Variants in PCDHGA7 observed in about 807,000 individuals in gnomAD.
PCDHGA7 encodes the protein protocadherin gamma subfamily A, 7, also known as protocadherin gamma-A7.
A neutral mutation model predicts 58.3 loss-of-function variants in PCDHGA7; 44 were observed. The observed-to-expected ratio is 0.75, with a 90% CI of 0.59 to 0.97. The LOEUF is 0.97. Ranked by LOEUF, PCDHGA7 falls within the 50% of genes least tolerant of loss-of-function variation. The pLI is 0.00. For synonymous variants in PCDHGA7, 516 were observed against 504.2 expected, an observed-to-expected ratio of 1.02 and a Z score of -0.31; for missense variants, 1,266 against 1,188.7, an observed-to-expected ratio of 1.06 and a Z score of -0.96.
chr5:141,428,857 A>C (rs2097165548), intron 1 of PCDHGA7: 1 of 140,386 alleles, frequency 7.1e-6, no homozygotes, highest in Non-Finnish European at 1.5e-5. Context: ...TTTTTACGGG[A>C]GACTTTTTTT....
At chr5:141,454,313 G>A (rs986902404) in intron 1 of PCDHGA7, among the ~76,000 whole-genome samples, 1 of 152,296 alleles carries the variant, frequency 6.6e-6, no homozygotes, top group Non-Finnish European at 1.5e-5. Context: ...TCAAAGCATT[G>A]AAACCTCCAA....
Position 141,431,601 on chromosome 5 carries a change from T to G in PCDHGA7, c.2424+46278T>G. 1 of 1,614,202 alleles carries G rather than the reference T, an allele frequency of 6.2e-7. No homozygotes were observed. Among genetic ancestry groups the G allele is most frequent in the Non-Finnish European group, 8.5e-7 (1 of 1,180,032 alleles). On this transcript the variant is annotated intron_variant, in intron 1 of 3. Transcript: ENST00000518325. The surrounding 1 kb of genome is among the most constrained non-coding windows in gnomAD (Gnocchi z 4.8). Reference sequence around the variant, plus strand: ...GTCAATGCGGAAGTGAGGTATTCCTTCCGGTATGTGGACGACAAGGCGGCC... The same window carrying G: ...GTCAATGCGGAAGTGAGGTATTCCTGCCGGTATGTGGACGACAAGGCGGCC...
intron 1 of PCDHGA7, among the ~76,000 whole-genome samples, chr5:141,455,959 G>T (rs112864392): frequency 0.11 from 16,680 of 150,504 alleles, 1,459 homozygotes; most frequent in African/African-American, 0.24. Context: ...GTGCAGTGGC[G>T]CGATCTCAGC....
rs779535322 is a variant in PCDHGA7 at position 141,398,516 on chromosome 5, C to A, written c.2424+13193C>A. ...GAGATCGAGGACATTAATGACCACACGCCAAAATTCACGCAAAATTCCTTT... is the reference window on the plus strand; with the variant it reads ...GAGATCGAGGACATTAATGACCACAAGCCAAAATTCACGCAAAATTCCTTT... On this transcript the variant is annotated intron_variant, in intron 1 of 3. Coordinates refer to ENST00000518325, the MANE Select transcript of PCDHGA7 (RefSeq NM_018920.4). The A allele has an allele frequency of 1.9e-6, 3 of 1,598,584 alleles. No individual in the cohort carries two copies. The South Asian group carries it at 3.3e-5, about 18-fold the overall frequency.
rs532216579 is a variant in PCDHGA7, at chr5:141,419,369, T to G, written c.2424+34046T>G. 631 of 1,613,750 alleles carry G rather than the reference T, an allele frequency of 3.9e-4. 5 individuals carry two copies. In the East Asian group the frequency reaches 0.013, roughly 33 times the overall value. On this transcript the variant is annotated intron_variant, in intron 1 of 3. Coordinates refer to ENST00000518325, the MANE Select transcript of PCDHGA7 (RefSeq NM_018920.4). ...CCTGGAGTCACGAACGCTGTCGTCC[T>G]ACGTGTCCGTGAGCGCGCAGAGCGG...
chr5:141,489,447 G>A lies in PCDHGA7; in HGVS notation c.2425-5360G>A. The A allele has an allele frequency of 5.6e-6, 9 of 1,614,134 alleles. No homozygotes were observed. The highest frequency in any genetic ancestry group is 7.6e-6 in the Non-Finnish European group (9 of 1,180,028). ...GCCGGCGGCTGCAATTGGGCTCTGA[G>A]GAGAATGGGCGCTATTTTTCCCTGA... On this transcript the variant is annotated intron_variant, in intron 1 of 3. Coordinates refer to ENST00000518325, the MANE Select transcript of PCDHGA7 (RefSeq NM_018920.4). This position sits in a 1 kb window ranked among gnomAD's most constrained non-coding sequence, Gnocchi z 4.5.
At chr5:141,421,119 C>T (rs542039688) in intron 1 of PCDHGA7, 1 of 772,768 alleles carries the variant, frequency 1.3e-6, no homozygotes, top group Non-Finnish European at 2.0e-6. Flanking sequence ...TATTTTCCTT[C>T]GCTTTCTGAT....
chr5:141,431,049 T>C lies in PCDHGA7; in HGVS notation c.2424+45726T>C, dbSNP rs1226000576. On this transcript the variant is annotated intron_variant, in intron 1 of 3. Coordinates refer to ENST00000518325, the MANE Select transcript of PCDHGA7 (RefSeq NM_018920.4). The surrounding 1 kb of genome is among the most constrained non-coding windows in gnomAD (Gnocchi z 4.8). Reference sequence around the variant, plus strand: ...AGGATAGACCGGGAGGAGCTCTGTATGGGGGCCATCAAGTGTCAATTAAAT... The same window carrying C: ...AGGATAGACCGGGAGGAGCTCTGTACGGGGGCCATCAAGTGTCAATTAAAT... The C allele has an allele frequency of 6.2e-7, 1 of 1,614,162 alleles. No homozygotes were observed. Among genetic ancestry groups the C allele is most frequent in the Non-Finnish European group, 8.5e-7 (1 of 1,180,014 alleles).
intron 1 of PCDHGA7, among the ~76,000 whole-genome samples, chr5:141,406,812 T>G (rs528041804): frequency 6.6e-6 from 1 of 152,350 alleles, no homozygotes; most frequent in East Asian, 1.9e-4. Context: ...CTCCAACTTT[T>G]GAGTCTAGAA....
At chr5:141,405,442 C>A in intron 1 of PCDHGA7, 1 of 1,378,146 alleles carries the variant, frequency 7.3e-7, no homozygotes, top group Non-Finnish European at 1.0e-6. Context: ...GTTTTTGAGA[C>A]AGAGTCTTAC....
intron 1 of PCDHGA7, chr5:141,400,341 C>A (rs754175136): frequency 6.2e-7 from 1 of 1,614,070 alleles, no homozygotes; most frequent in African/African-American, 1.3e-5. Flanking sequence ...TTCCCCCCAA[C>A]TACAGTCAGG....
At chr5:141,481,472 A>G (rs2099538174) in intron 1 of PCDHGA7, among the ~76,000 whole-genome samples, 1 of 152,246 alleles carries the variant, frequency 6.6e-6, no homozygotes, top group Non-Finnish European at 1.5e-5. Context: ...CCATTGGATT[A>G]TACACTTTAA....
chr5:141,454,857 G>C (rs1365819097), intron 1 of PCDHGA7, among the ~76,000 whole-genome samples: 2 of 131,566 alleles, frequency 1.5e-5, no homozygotes, highest in African/African-American at 6.0e-5. Context: ...ACCCAGGCTG[G>C]AGTGCAGTGG....
Position 141,431,646 on chromosome 5 carries a change from G to A in PCDHGA7, c.2424+46323G>A. ...GCGGCCCAAGTTTTCAAACTAGATT[G>A]TAATTCAGGGACAATATCAACAATA... On this transcript the variant is annotated intron_variant, in intron 1 of 3. Coordinates refer to ENST00000518325, the MANE Select transcript of PCDHGA7 (RefSeq NM_018920.4). The surrounding 1 kb of genome is among the most constrained non-coding windows in gnomAD (Gnocchi z 4.8). 2 of 1,614,252 alleles carry A rather than the reference G, an allele frequency of 1.2e-6. No individual in the cohort carries two copies. Among genetic ancestry groups the A allele is most frequent in the Non-Finnish European group, 1.7e-6 (2 of 1,180,046 alleles).
intron 1 of PCDHGA7, among the ~76,000 whole-genome samples, chr5:141,449,440 C>T (rs2098639026): frequency 6.6e-6 from 1 of 151,742 alleles, no homozygotes; most frequent in Admixed American, 6.6e-5. Flanking sequence ...AACTCCATCT[C>T]TACTAAAAAT....
At chr5:141,484,300 C>G (rs927710366) in intron 1 of PCDHGA7, among the ~76,000 whole-genome samples, 1 of 152,190 alleles carries the variant, frequency 6.6e-6, no homozygotes, top group Non-Finnish European at 1.5e-5. Context: ...CTCCTGGCTT[C>G]CTCCACCCCG....
chr5:141,459,574 T>G (rs1163443021), intron 1 of PCDHGA7, among the ~76,000 whole-genome samples: 6 of 152,226 alleles, frequency 3.9e-5, no homozygotes, highest in African/African-American at 1.4e-4. Flanking sequence ...AAAACAGAAT[T>G]GTTTTGGGGG....
chr5:141,491,709 C>T lies in PCDHGA7; in HGVS notation c.2425-3098C>T, dbSNP rs2099725685. On this transcript the variant is annotated intron_variant, in intron 1 of 3. Coordinates refer to ENST00000518325, the MANE Select transcript of PCDHGA7 (RefSeq NM_018920.4). The surrounding 1 kb of genome is among the most constrained non-coding windows in gnomAD (Gnocchi z 6.9). The stretch of plus-strand genomic sequence containing the variant: ...TGCGGGAGCGGAGCCAGGTGAGGGG[C>T]TCGGCGCCGCCCCGGGCGACCCCTG... 6.2e-7 allele frequency: 1 copy of T among 1,610,156 alleles called. No homozygotes were observed. Among genetic ancestry groups the T allele is most frequent in the Non-Finnish European group, 8.5e-7 (1 of 1,178,376 alleles).
At chr5:141,468,889 G>T (rs2099184580) in intron 1 of PCDHGA7, among the ~76,000 whole-genome samples, 1 of 151,496 alleles carries the variant, frequency 6.6e-6, no homozygotes, top group African/African-American at 2.4e-5. Flanking sequence ...ATAATAATAA[G>T]GTACTAATAT....
Sources: gnomAD v4.1 joint callset for allele counts (sites outside exome capture counted in the v4.1 genomes callset) on GRCh38, gnomAD v4.1.1 for gene constraint, Gnocchi (gnomAD v3.1) non-coding constraint, MANE v1.5 for transcripts, NCBI Gene and HGNC (gene_info 2026-07-23, HGNC 2026-07-21) for gene names.